PRUNE2: variants seen among roughly 807,000 people sequenced by gnomAD.
The protein encoded by PRUNE2 is prune homolog 2 with BCH domain.
Under a neutral mutation model 252.0 loss-of-function variants are expected in PRUNE2, and 164 were observed. The observed-to-expected ratio is 0.65, with a 90% CI of 0.57 to 0.74. The LOEUF is 0.74. PRUNE2 is among the 30% of genes least tolerant of loss of function. The pLI, the probability that PRUNE2 is intolerant of heterozygous loss-of-function variation, is 0.00. For missense variants in PRUNE2, 3,495 were observed against 3,711.0 expected (o/e 0.94, Z 1.51); for synonymous variants, 1,292 against 1,350.2 (o/e 0.96, Z 0.94).
Position 76,644,772 on chromosome 9 carries a change from T to C in PRUNE2, c.8695A>G (p.Ile2899Val). 6.2e-7 allele frequency: 1 copy of C among 1,613,844 alleles called. No individual in the cohort carries two copies. The highest frequency in any genetic ancestry group is 8.5e-7 in the Non-Finnish European group (1 of 1,179,758). ...EQEQRIDMKVIEPYRRVISHG... is the reference protein window; with the variant it reads ...EQEQRIDMKVVEPYRRVISHG... ...GAAATGACTCTCCTGTAGGGCTCGA[T>C]GACCTTCATGTCAATGCGCTGCTCT... The change falls in exon 12 of 19, where the codon ATC becomes GTC. Residue 2899 changes from isoleucine (I) to valine (V), a missense_variant. Physicochemically the swap from Ile to Val is conservative, Grantham distance 29. Transcript: ENST00000376718.
intron 6 of PRUNE2, among the ~76,000 whole-genome samples, chr9:76,788,055 C>T (rs1328720372): frequency 1.3e-5 from 2 of 152,202 alleles, no homozygotes; most frequent in Non-Finnish European, 1.5e-5. Flanking sequence ...GAGTCCCTGA[C>T]TTCTGAAGCC....
chr9:76,890,845 C>T (rs2062427857), intron 1 of PRUNE2, among the ~76,000 whole-genome samples: 1 of 152,216 alleles, frequency 6.6e-6, no homozygotes, highest in East Asian at 1.9e-4. Flanking sequence ...CCAAACTAAC[C>T]TTGACTTCCA....
intron 12 of PRUNE2, 90 bp from the exon 13 acceptor site, chr9:76,638,378 A>G: frequency 1.2e-6 from 1 of 858,500 alleles, no homozygotes; most frequent in Non-Finnish European, 1.9e-6. Flanking sequence ...AAGCCTTGGC[A>G]AGTGTGTCTT....
intron 1 of PRUNE2, among the ~76,000 whole-genome samples, chr9:76,880,428 T>C (rs1159685693): frequency 6.6e-6 from 1 of 152,220 alleles, no homozygotes; most frequent in Non-Finnish European, 1.5e-5. Context: ...TTTGTACTGA[T>C]GGCTTTTTTG....
intron 9 of PRUNE2, among the ~76,000 whole-genome samples, chr9:76,702,530 T>C (rs1424668372): frequency 1.3e-5 from 2 of 152,154 alleles, no homozygotes; most frequent in Non-Finnish European, 2.9e-5. Flanking sequence ...TTGAGGGCAG[T>C]GATGACATCC....
intron 6 of PRUNE2, among the ~76,000 whole-genome samples, chr9:76,801,655 C>T (rs2056565031): frequency 6.6e-6 from 1 of 152,030 alleles, no homozygotes; most frequent in Non-Finnish European, 1.5e-5. Flanking sequence ...ACTCTGGTAG[C>T]GACTACCTTG....
intron 15 of PRUNE2, among the ~76,000 whole-genome samples, chr9:76,635,072 C>T (rs1490192122): frequency 6.6e-6 from 1 of 152,066 alleles, no homozygotes; most frequent in Non-Finnish European, 1.5e-5. Context: ...CAGGTTCAAG[C>T]GATTCTCCTG....
At chr9:76,727,645 C>CTTTTTTTT (rs577095894) in intron 6 of PRUNE2, among the ~76,000 whole-genome samples, 1 of 72,716 alleles carries the variant, frequency 1.4e-5, no homozygotes, top group Non-Finnish European at 3.1e-5. Flanking sequence ...TCTTCTTCTT[C>CTTTTTTTT]TTTTTTTTTT....
Position 76,764,233 on chromosome 9 carries a change from C to CAAAT in PRUNE2, c.757-50513_757-50512insATTT, listed in dbSNP as rs753004096. 5.6e-3 allele frequency among the ~76,000 whole-genome samples: 848 copies of CAAAT among 151,828 alleles called. 3 individuals are homozygous for CAAAT. The highest frequency in any genetic ancestry group is 0.013 in the East Asian group (67 of 5,146). ...TCAGTGCATGGAGGCAGAAAACAAACAAACAAATAAATAAATAAATAAATA... is the reference window on the plus strand; with the variant it reads ...TCAGTGCATGGAGGCAGAAAACAAACAAATAAACAAATAAATAAATAAATAAATA... On this transcript the variant is annotated intron_variant, in intron 6 of 18. Coordinates refer to ENST00000376718, the MANE Select transcript of PRUNE2 (RefSeq NM_015225.3).
At chr9:76,688,040 C>T (rs1370883378) in intron 9 of PRUNE2, among the ~76,000 whole-genome samples, 1 of 152,240 alleles carries the variant, frequency 6.6e-6, no homozygotes, top group Non-Finnish European at 1.5e-5. Context: ...ACAATCAAGA[C>T]TCATTCTGTT....
intron 9 of PRUNE2, among the ~76,000 whole-genome samples, chr9:76,688,679 T>C (rs1039310166): frequency 6.6e-6 from 1 of 152,128 alleles, no homozygotes; most frequent in Non-Finnish European, 1.5e-5. Flanking sequence ...CCCTCCCATT[T>C]CTCTTGCATC....
Position 76,752,008 on chromosome 9 carries a change from T to A in PRUNE2, c.757-38287A>T, listed in dbSNP as rs555780300. 3.2e-4 allele frequency among the ~76,000 whole-genome samples: 48 copies of A among 149,554 alleles called. 1 individual carries two copies. In the South Asian group the frequency reaches 4.1e-3, roughly 13 times the overall value. ...TCATAGACTCATATAACTCTAAAAT[T>A]AAAATGAAAGAAAAATCAAATATCA... On this transcript the variant is annotated intron_variant, in intron 6 of 18. Coordinates refer to ENST00000376718, the MANE Select transcript of PRUNE2 (RefSeq NM_015225.3).
chr9:76,644,650 T>C (rs755876399), intron 12 of PRUNE2, 89 bp downstream of exon 12: 43 of 1,230,688 alleles, frequency 3.5e-5, no homozygotes, highest in East Asian at 1.6e-4. Flanking sequence ...TGAGATGTCA[T>C]GTTCCGGAGA....
intron 6 of PRUNE2, chr9:76,740,469 T>C (rs1256893212): frequency 7.4e-6 from 1 of 134,480 alleles, no homozygotes; most frequent in African/African-American, 2.9e-5. Context: ...AAAAAAAAGA[T>C]TTAGGCATTG....
intron 2 of PRUNE2, among the ~76,000 whole-genome samples, chr9:76,852,167 A>C (rs972832924): frequency 6.6e-6 from 1 of 152,246 alleles, no homozygotes; most frequent in East Asian, 1.9e-4. Context: ...GGAATCAGCC[A>C]CTGCTATAGC....
intron 17 of PRUNE2, among the ~76,000 whole-genome samples, chr9:76,622,313 T>C (rs1411214975): frequency 6.6e-6 from 1 of 151,808 alleles, no homozygotes; most frequent in Admixed American, 6.6e-5. Flanking sequence ...ATAGTGGATG[T>C]GAGAGAAAAA....
At chr9:76,870,529 C>A (rs2061128782) in intron 1 of PRUNE2, among the ~76,000 whole-genome samples, 1 of 151,778 alleles carries the variant, frequency 6.6e-6, no homozygotes, top group African/African-American at 2.4e-5. Context: ...ACTAAAAATA[C>A]AAAAAAATTA....
chr9:76,626,736 C>T (rs949453931), intron 16 of PRUNE2, among the ~76,000 whole-genome samples: 44 of 152,176 alleles, frequency 2.9e-4, no homozygotes, highest in African/African-American at 1.1e-3. Context: ...TTCTGGATTG[C>T]GAACTCTGTG....
rs573511105 is a variant in PRUNE2 at position 76,846,631 on chromosome 9, A to C, written c.392T>G (p.Val131Gly). 6.2e-7 allele frequency: 1 copy of C among 1,614,020 alleles called. No individual in the cohort carries two copies. Among genetic ancestry groups the C allele is most frequent in the East Asian group, 2.2e-5 (1 of 44,894 alleles). ...ESAVVKVINP[V>G]EQSDANVEFR... ...CTCAACGTTGGCATCGCTCTGCTCAACCGGATTAATGACTTTGACAACTGC... is the reference window on the plus strand; with the variant it reads ...CTCAACGTTGGCATCGCTCTGCTCACCCGGATTAATGACTTTGACAACTGC... Residue 131 changes from valine to glycine, a missense_variant, in exon 4 of 19, where the codon GTT (valine) becomes GGT (glycine). Coordinates refer to ENST00000376718, the MANE Select transcript of PRUNE2 (RefSeq NM_015225.3).
Sources: allele counts gnomAD v4.1 joint callset (sites outside exome capture counted in the v4.1 genomes callset), GRCh38; gene constraint gnomAD v4.1.1; transcripts MANE v1.5; gene names NCBI Gene and HGNC (gene_info 2026-07-23, HGNC 2026-07-21).